Variants in CAPN7 observed in about 807,000 individuals in gnomAD.
CAPN7 encodes calpain-7.
Under a neutral mutation model 115.2 loss-of-function variants are expected in CAPN7, and 72 were observed. The observed-to-expected ratio is 0.63, with a 90% CI of 0.52 to 0.76. The LOEUF (loss-of-function observed/expected upper bound fraction) is 0.76, where lower values mean the gene tolerates loss of function less well. CAPN7 is among the 30% of genes least tolerant of loss of function. The pLI is 0.00. For synonymous variants in CAPN7, 344 were observed against 322.3 expected, an observed-to-expected ratio of 1.07 and a Z score of -0.72; for missense variants, 905 against 971.5, an observed-to-expected ratio of 0.93 and a Z score of 0.91.
intron 8 of CAPN7, among the ~76,000 whole-genome samples, 190 bp from the exon 9 acceptor site, chr3:15,230,252 C>T (rs1694603813): frequency 6.6e-6 from 1 of 152,242 alleles, no homozygotes; most frequent in South Asian, 2.1e-4. Flanking sequence ...CAGAAAATTA[C>T]TTACTAATAG....
chr3:15,212,259 C>A, intron 2 of CAPN7, 47 bp downstream of exon 2: 1 of 1,021,902 alleles, frequency 9.8e-7, no homozygotes, highest in Non-Finnish European at 1.5e-6. Context: ...TTCTTTTCTC[C>A]CATCATGTCT....
At chr3:15,217,130 C>T (rs910079542) in intron 2 of CAPN7, among the ~76,000 whole-genome samples, 4 of 151,462 alleles carry the variant, frequency 2.6e-5, no homozygotes, top group Non-Finnish European at 5.9e-5. Flanking sequence ...TCCTGTAGTC[C>T]CAGCTACTCA....
chr3:15,241,530 A>G lies in CAPN7; in HGVS notation c.1730A>G (p.Gln577Arg). The G allele has an allele frequency of 1.9e-6, 3 of 1,614,128 alleles. No individual in the cohort carries two copies. The highest frequency in any genetic ancestry group is 1.7e-5 in the Admixed American group (1 of 60,026). ...AACCCCCAGTACAAACTGGAGGTGC[A>G]GTGTCCACAGGGGGGTGCTGCAGTT... Reference protein sequence around the residue: ...ANNPQYKLEVQCPQGGAAVWV... With the variant: ...ANNPQYKLEVRCPQGGAAVWV... The change falls in exon 15 of 21, where the codon CAG (glutamine) becomes CGG (arginine). Residue 577 changes from glutamine (Q) to arginine (R), a missense_variant. Around this residue, in one of 3 missense-constraint regions of CAPN7, gnomAD observed 620 missense variants for 703.4 expected, o/e 0.88. Transcript: ENST00000253693.
At chr3:15,214,159 C>T (rs1575161187) in intron 2 of CAPN7, among the ~76,000 whole-genome samples, 1 of 152,064 alleles carries the variant, frequency 6.6e-6, no homozygotes. Context: ...GGATTACAGG[C>T]GTGAGCCACC....
intron 5 of CAPN7, 110 bp downstream of exon 5, chr3:15,221,091 G>C (rs576080317): frequency 7.5e-5 from 59 of 789,644 alleles, no homozygotes; most frequent in Non-Finnish European, 1.2e-4. Flanking sequence ...ATAGTGTATT[G>C]TGCTGTTATT....
At chr3:15,223,196 T>C (rs924575038) in intron 5 of CAPN7, among the ~76,000 whole-genome samples, 3 of 152,232 alleles carry the variant, frequency 2.0e-5, no homozygotes, top group Non-Finnish European at 4.4e-5. Flanking sequence ...TGGTTTTGTG[T>C]CTTGGTGTCA....
At chr3:15,219,923 G>A (rs1185365066) in intron 4 of CAPN7, among the ~76,000 whole-genome samples, 1 of 152,094 alleles carries the variant, frequency 6.6e-6, no homozygotes, top group African/African-American at 2.4e-5. Flanking sequence ...TTACCTGGCC[G>A]GGCACGGTGG....
At chr3:15,228,588 C>T (rs1195110104) in intron 7 of CAPN7, among the ~76,000 whole-genome samples, 1 of 152,118 alleles carries the variant, frequency 6.6e-6, no homozygotes, top group Non-Finnish European at 1.5e-5. Flanking sequence ...AGGCCATTAT[C>T]CTTAGCAAAC....
intron 2 of CAPN7, among the ~76,000 whole-genome samples, chr3:15,215,812 G>A (rs909054110): frequency 2.0e-5 from 3 of 151,384 alleles, no homozygotes; most frequent in South Asian, 2.1e-4. Context: ...TCATGTACAC[G>A]CAGTGGCTCA....
chr3:15,240,122 A>G lies in CAPN7; in HGVS notation c.1408-351A>G, dbSNP rs1695251980. 3.3e-5 allele frequency among the ~76,000 whole-genome samples: 5 copies of G among 152,340 alleles called. No homozygotes were observed. In the South Asian group the frequency reaches 1.0e-3, roughly 32 times the overall value. On this transcript the variant is annotated intron_variant, in intron 12 of 20. Coordinates refer to ENST00000253693, the MANE Select transcript of CAPN7 (RefSeq NM_014296.3). ...TAATAGAACTCCTGCAATGATGGAA[A>G]TGTTCTGTATCTGGGCTGCCCAATG...
intron 19 of CAPN7, among the ~76,000 whole-genome samples, chr3:15,250,059 G>T (rs1203403350): frequency 6.7e-6 from 1 of 150,044 alleles, no homozygotes; most frequent in East Asian, 2.1e-4. Flanking sequence ...CACCGCGCCT[G>T]GCCAATGACA....
intron 11 of CAPN7, among the ~76,000 whole-genome samples, 164 bp downstream of exon 11, chr3:15,234,137 A>G (rs1694851999): frequency 6.6e-6 from 1 of 152,116 alleles, no homozygotes; most frequent in Admixed American, 6.6e-5. Context: ...ACCAACATGG[A>G]GAAACCCCAT....
chr3:15,230,315 A>G, intron 8 of CAPN7, 127 bp from the exon 9 acceptor site: 1 of 524,500 alleles, frequency 1.9e-6, no homozygotes, highest in Non-Finnish European at 3.5e-6. Flanking sequence ...TATTGTAGGA[A>G]AATATTCTCC....
At chr3:15,210,569 C>CT (rs1450977038) in intron 1 of CAPN7, among the ~76,000 whole-genome samples, 3 of 140,824 alleles carry the variant, frequency 2.1e-5, no homozygotes, top group Non-Finnish European at 4.5e-5. Context: ...CAAAACTGTA[C>CT]TTTTTCATTC....
chr3:15,227,496 G>A (rs1694389624), intron 6 of CAPN7, among the ~76,000 whole-genome samples: 1 of 152,014 alleles, frequency 6.6e-6, no homozygotes, highest in Admixed American at 6.6e-5. Context: ...TAGCTTCCTA[G>A]GTCCTTTTGA....
rs1475548036 is a variant in CAPN7, at chr3:15,206,260, C to T, written c.-236C>T. 5 of 397,442 alleles carry T rather than the reference C, an allele frequency of 1.3e-5. No homozygotes were observed. The highest frequency in any genetic ancestry group is 2.3e-5 in the Non-Finnish European group (5 of 221,156). The allele number at this position is 397,442 out of a possible 1,614,324, so 24.6% of individuals were successfully genotyped here. On this transcript the variant is annotated 5_prime_UTR_variant, in exon 1 of 21. Transcript: ENST00000253693. ...GTGGGCGGGGCGAGGGCCGCTGGGG[C>T]CGCGAAGTGGGGCGGCCGGGTGGGC...
At chr3:15,214,206 T>G (rs944965145) in intron 2 of CAPN7, among the ~76,000 whole-genome samples, 1 of 152,078 alleles carries the variant, frequency 6.6e-6, no homozygotes, top group Admixed American at 6.6e-5. Context: ...AAGCATAACA[T>G]AGCTTGTTTT....
intron 17 of CAPN7, chr3:15,246,294 A>G (rs1695655401): frequency 6.4e-6 from 1 of 156,936 alleles, no homozygotes; most frequent in Admixed American, 6.4e-5. Context: ...TAATATTTTT[A>G]TTGACTTTAA....
intron 1 of CAPN7, chr3:15,210,661 C>G (rs2044888017): frequency 2.6e-6 from 1 of 390,704 alleles, no homozygotes. Flanking sequence ...GTGGCCCGAT[C>G]ACAGCTCACT....
Sources: gnomAD v4.1 joint callset for allele counts (sites outside exome capture counted in the v4.1 genomes callset) on GRCh38, gnomAD v4.1.1 for gene constraint, gnomAD v4.1.1 regional missense constraint, MANE v1.5 for transcripts, NCBI Gene and HGNC (gene_info 2026-07-23, HGNC 2026-07-21) for gene names.